CTNND2: variants seen among roughly 807,000 people sequenced by gnomAD.
CTNND2 encodes the protein catenin delta 2, also known as catenin delta-2.
Under a neutral mutation model 144.4 loss-of-function variants are expected in CTNND2, and 22 were observed. That is an observed-to-expected ratio of 0.15 (90% CI 0.11 to 0.22). CTNND2 has a LOEUF of 0.22. CTNND2 is among the 10% of genes least tolerant of loss of function. The pLI is 1.00. For synonymous variants in CTNND2, 751 were observed against 695.6 expected (o/e 1.08, Z -1.25); for missense variants, 1,353 against 1,618.8 (o/e 0.84, Z 2.82).
rs916967775 is a variant in CTNND2, at chr5:11,564,840, C to A, written c.287+104G>T. On this transcript the variant is annotated intron_variant, in intron 3 of 21. Transcript: ENST00000304623. ...GTTACAATTTCTTTCCAACGTTTGA[C>A]TGAATGTTCCAATTCCACCACCGGG... The A allele has an allele frequency of 4.1e-6, 3 of 723,252 alleles. 1 individual carries two copies. The highest frequency in any genetic ancestry group is 7.1e-6 in the Non-Finnish European group (3 of 421,518). The allele number at this position is 723,252 out of a possible 1,614,324, so 44.8% of individuals were successfully genotyped here. A position where few individuals can be genotyped will look rare whatever the true frequency, so the allele number is the denominator to read the frequency against.
intron 11 of CTNND2, among the ~76,000 whole-genome samples, chr5:11,182,512 G>A (rs1486310220): frequency 6.6e-6 from 1 of 152,046 alleles, no homozygotes; most frequent in Non-Finnish European, 1.5e-5. Context: ...CCCCATCCAT[G>A]TCTAGGTAGC....
intron 9 of CTNND2, among the ~76,000 whole-genome samples, chr5:11,271,570 A>T (rs1213244048): frequency 6.6e-6 from 1 of 152,160 alleles, no homozygotes; most frequent in African/African-American, 2.4e-5. Flanking sequence ...TGTTGAGAAT[A>T]TCGCCCCCTG....
intron 12 of CTNND2, among the ~76,000 whole-genome samples, chr5:11,154,894 C>T (rs1004419453): frequency 6.6e-6 from 1 of 152,190 alleles, no homozygotes; most frequent in African/African-American, 2.4e-5. Flanking sequence ...TTCACAAGGC[C>T]TTCTTCCCTG....
intron 12 of CTNND2, among the ~76,000 whole-genome samples, chr5:11,124,729 C>T (rs80200250): frequency 0.11 from 16,356 of 152,194 alleles, 1,121 homozygotes; most frequent in Non-Finnish European, 0.15. Flanking sequence ...TCATCTGAAG[C>T]TCAGATATAG....
intron 1 of CTNND2, among the ~76,000 whole-genome samples, chr5:11,738,080 T>C (rs1247925828): frequency 1.3e-5 from 2 of 152,336 alleles, no homozygotes; most frequent in Non-Finnish European, 2.9e-5. Flanking sequence ...TCTTGGGAAC[T>C]GACAGGAGAA....
At chr5:11,429,448 G>T in intron 3 of CTNND2, among the ~76,000 whole-genome samples, 1 of 151,910 alleles carries the variant, frequency 6.6e-6, no homozygotes, top group East Asian at 1.9e-4. Context: ...TGTTTAAGGC[G>T]CCGGGGCAGA....
intron 18 of CTNND2, among the ~76,000 whole-genome samples, chr5:11,016,915 C>T (rs10056780): frequency 0.017 from 2,589 of 151,876 alleles, 78 homozygotes; most frequent in African/African-American, 0.059. Flanking sequence ...GGATTACAGG[C>T]GCTGCTACCA....
Position 11,904,019 on chromosome 5 carries a change from G to A in CTNND2, c.-166C>T. ...CTGGCGGGCGGCAGGGGCGAGCGCCGCGGGCGAGAGGCGGCTCCCGACGCG... is the reference window on the plus strand; with the variant it reads ...CTGGCGGGCGGCAGGGGCGAGCGCCACGGGCGAGAGGCGGCTCCCGACGCG... On this transcript the variant is annotated 5_prime_UTR_variant, in exon 1 of 22. Transcript: ENST00000304623. The surrounding 1 kb of genome is among the most constrained non-coding windows in gnomAD (Gnocchi z 4.2). The A allele has an allele frequency of 2.8e-6, 2 of 712,506 alleles. No homozygotes were observed. Among genetic ancestry groups the A allele is most frequent in the Non-Finnish European group, 3.8e-6 (2 of 527,248 alleles). 44.1% of individuals were successfully genotyped at this position (712,506 alleles called of 1,614,324 possible).
chr5:11,096,923 C>T (rs1448211076), intron 15 of CTNND2, among the ~76,000 whole-genome samples: 1 of 152,126 alleles, frequency 6.6e-6, no homozygotes, highest in East Asian at 1.9e-4. Context: ...TTCCTGTACC[C>T]ATCTAGTTAG....
chr5:11,626,364 T>C (rs1351732824), intron 2 of CTNND2, among the ~76,000 whole-genome samples: 2 of 152,202 alleles, frequency 1.3e-5, no homozygotes, highest in Admixed American at 6.6e-5. Context: ...ATGAACACTA[T>C]ACTATATGTG....
At chr5:10,978,835 G>GC (rs1736842206) in intron 21 of CTNND2, among the ~76,000 whole-genome samples, 1 of 152,236 alleles carries the variant, frequency 6.6e-6, no homozygotes, top group South Asian at 2.1e-4. Flanking sequence ...TGGCAAGGAT[G>GC]CCATCTTAGC....
intron 1 of CTNND2, among the ~76,000 whole-genome samples, chr5:11,758,920 A>G (rs1456012904): frequency 1.3e-5 from 2 of 152,040 alleles, no homozygotes; most frequent in African/African-American, 4.8e-5. Context: ...ACTCTCTAAT[A>G]CATAAATTAT....
At chr5:11,214,646 T>C (rs1336089674) in intron 10 of CTNND2, among the ~76,000 whole-genome samples, 1 of 152,188 alleles carries the variant, frequency 6.6e-6, no homozygotes, top group Non-Finnish European at 1.5e-5. Context: ...CCTGCCACAT[T>C]TAGAAGATCA....
intron 5 of CTNND2, among the ~76,000 whole-genome samples, chr5:11,404,327 C>T (rs1760889796): frequency 1.3e-5 from 2 of 152,140 alleles, no homozygotes; most frequent in Non-Finnish European, 2.9e-5. Context: ...TGGCTTTGTC[C>T]TTCTGCAAAG....
chr5:11,525,359 T>A (rs1362953963), intron 3 of CTNND2, among the ~76,000 whole-genome samples: 1 of 152,158 alleles, frequency 6.6e-6, no homozygotes, highest in African/African-American at 2.4e-5. Context: ...CTGCACAAAC[T>A]GATACATTGT....
At chr5:11,283,599 G>A (rs1747388257) in intron 9 of CTNND2, among the ~76,000 whole-genome samples, 1 of 145,288 alleles carries the variant, frequency 6.9e-6, no homozygotes, top group South Asian at 2.2e-4. Context: ...ACTTGAACCT[G>A]GGAGGCGGAG....
chr5:11,329,698 G>C (rs941910576), intron 9 of CTNND2, among the ~76,000 whole-genome samples: 3 of 152,206 alleles, frequency 2.0e-5, no homozygotes, highest in African/African-American at 7.2e-5. Flanking sequence ...AAGGTGGTCA[G>C]AGGGAAGCGT....
chr5:11,530,556 C>A (rs530420505), intron 3 of CTNND2, among the ~76,000 whole-genome samples: 1 of 152,282 alleles, frequency 6.6e-6, no homozygotes, highest in African/African-American at 2.4e-5. Context: ...CAAGTCAGTT[C>A]AGGACACCAA....
At chr5:11,352,716 C>T (rs1055819520) in intron 8 of CTNND2, among the ~76,000 whole-genome samples, 4 of 152,228 alleles carry the variant, frequency 2.6e-5, no homozygotes, top group East Asian at 1.9e-4. Context: ...ATGCAAGCTC[C>T]TCATTAGGTC....
Sources: allele counts gnomAD v4.1 joint callset (sites outside exome capture counted in the v4.1 genomes callset), GRCh38; gene constraint gnomAD v4.1.1; non-coding constraint Gnocchi (gnomAD v3.1); transcripts MANE v1.5; gene names NCBI Gene and HGNC (gene_info 2026-07-23, HGNC 2026-07-21).